DUOX2: variants seen among roughly 807,000 people sequenced by gnomAD.
DUOX2 encodes NADH/NADPH thyroid oxidase p138-tox.
DUOX2 carries 185 observed loss-of-function variants against 183.3 expected under a neutral mutation model. The ratio of observed to expected loss-of-function variants is 1.01; its 90% CI spans 0.90 to 1.14. The LOEUF (loss-of-function observed/expected upper bound fraction) is 1.14. Among genes scored for constraint, DUOX2 ranks in the 50% most tolerant of loss-of-function variants. The probability of loss-of-function intolerance (pLI) is 0.00; values close to 1 mark genes in which losing one functional copy is unlikely to be tolerated. For missense variants in DUOX2, 1,999 were observed against 2,022.9 expected, an observed-to-expected ratio of 0.99 and a Z score of 0.23; for synonymous variants, 788 against 812.4, an observed-to-expected ratio of 0.97 and a Z score of 0.51.
Position 45,099,477 on chromosome 15 carries a change from G to C in DUOX2, c.3421C>G (p.His1141Asp). ...AMAAVVLAIL[H>D]SAGHAVNVYI... ...ACATTGACTGCGTGGCCAGCACTGTGCAAAACTGGAAGAGACAGACCCTGT... is the reference window on the plus strand; with the variant it reads ...ACATTGACTGCGTGGCCAGCACTGTCCAAAACTGGAAGAGACAGACCCTGT... The change falls in exon 26 of 34, where the codon CAC becomes GAC. Residue 1141 changes from histidine to aspartate, a missense_variant. By Grantham distance (81) the His-to-Asp change is moderately conservative (BLOSUM62 -1). Coordinates refer to ENST00000389039, the MANE Select transcript of DUOX2 (RefSeq NM_001363711.2). 1 of 1,613,818 alleles carries C rather than the reference G, an allele frequency of 6.2e-7. No homozygotes were observed. Among genetic ancestry groups the C allele is most frequent in the Non-Finnish European group, 8.5e-7 (1 of 1,179,982 alleles).
chr15:45,108,306 C>T (rs1894283547), intron 12 of DUOX2, 84 bp from the exon 13 acceptor site: 2 of 1,511,332 alleles, frequency 1.3e-6, no homozygotes, highest in Admixed American at 1.7e-5. Flanking sequence ...GGCACAGAAC[C>T]TCAGCCGCTG....
Position 45,109,969 on chromosome 15 carries a change from C to T in DUOX2, c.1052G>A (p.Cys351Tyr). 2.5e-6 allele frequency: 4 copies of T among 1,614,108 alleles called. No individual in the cohort carries two copies. Among genetic ancestry groups the T allele is most frequent in the Non-Finnish European group, 3.4e-6 (4 of 1,180,022 alleles). The change falls in exon 10 of 34, where the codon TGT becomes TAT. Residue 351 changes from cysteine (C) to tyrosine (Y), a missense_variant. Coordinates refer to ENST00000389039, the MANE Select transcript of DUOX2 (RefSeq NM_001363711.2). ...PPGVYMRNAS[C>Y]HFRKVLNKGF... is the part of the protein sequence containing the mutation. ...CTTGTTCAGGACCTTCCGGAAATGA[C>T]AGCTGGCATTTCTGAAATTGAGAAC...
At chr15:45,109,685 C>G in intron 10 of DUOX2, 59 bp from the exon 11 acceptor site, 1 of 1,565,336 alleles carries the variant, frequency 6.4e-7, no homozygotes, top group Non-Finnish European at 8.8e-7. Flanking sequence ...CTCTCTCAGC[C>G]TGGACCACTT....
Position 45,106,959 on chromosome 15 carries a change from GC to G in DUOX2, c.1703del (p.Cys568SerfsTer18). 2.5e-6 allele frequency: 4 copies of G among 1,576,614 alleles called. No individual in the cohort carries two copies. The highest frequency in any genetic ancestry group is 2.3e-5 in the East Asian group (1 of 43,772). On this transcript the variant is annotated frameshift_variant, in exon 15 of 34. Coordinates refer to ENST00000389039, the MANE Select transcript of DUOX2 (RefSeq NM_001363711.2). LOFTEE classifies it high-confidence loss of function. ...NVFVWHKGAP[C>X]PQPKQLTTDG... ...CAGTTGTGAGCTGCTTAGGTTGAGG[GC>G]AGGGTGCACCTGAGGGAGAGGGCAG...
chr15:45,096,814 C>T (rs773546122), intron 29 of DUOX2, among the ~76,000 whole-genome samples: 9 of 152,166 alleles, frequency 5.9e-5, no homozygotes, highest in Non-Finnish European at 1.3e-4. Context: ...TATGATGATA[C>T]CAATCCCGAC....
Position 45,092,999 on chromosome 15 carries a change from G to A in DUOX2, c.*1151C>T, listed in dbSNP as rs1893802058. ...GAAATGTTGAAACATTCTATGTCTT[G>A]ACCTGGGTGGTGGTAAAACATGTAC... On this transcript the variant is annotated 3_prime_UTR_variant, in exon 34 of 34. Coordinates refer to ENST00000389039, the MANE Select transcript of DUOX2 (RefSeq NM_001363711.2). 2 of 152,216 alleles carry A rather than the reference G, an allele frequency of 1.3e-5. No homozygotes were observed. Among genetic ancestry groups the A allele is most frequent in the Admixed American group, 1.3e-4 (2 of 15,282 alleles). 9.4% of individuals were successfully genotyped at this position (152,216 alleles called of 1,614,324 possible). A position where few individuals can be genotyped will look rare whatever the true frequency, so the allele number is the denominator to read the frequency against.
At chr15:45,106,378 C>T (rs1319694128) in intron 16 of DUOX2, 51 bp from the exon 17 acceptor site, 1 of 1,607,790 alleles carries the variant, frequency 6.2e-7, no homozygotes, top group Non-Finnish European at 8.5e-7. Context: ...CCCCAGGTCC[C>T]CGCCTTCAGG....
At position 45,105,653 on chromosome 15, in the gene DUOX2, A is replaced by T; in HGVS notation, c.2324T>A (p.Leu775His). The T allele has an allele frequency of 6.2e-7, 1 of 1,614,182 alleles. No individual in the cohort carries two copies. The highest frequency in any genetic ancestry group is 8.5e-7 in the Non-Finnish European group (1 of 1,180,032). Residue 775 changes from leucine to histidine, a missense_variant, in exon 18 of 34, where the codon CTT becomes CAT. Leu to His is a moderately conservative substitution (Grantham distance 99, BLOSUM62 -3). Around this residue, in one of 3 missense-constraint regions of DUOX2, gnomAD observed 1,628 missense variants for 1,608.6 expected, o/e 1.01. Transcript: ENST00000389039. ...ERILEIFFRH[L>H]FAQVLDINQA... ...CACAGGTCATGGCACCTGAGCAAAAAGGTGTCTGAAGAAGATCTCCAGGAT... is the reference window on the plus strand; with the variant it reads ...CACAGGTCATGGCACCTGAGCAAAATGGTGTCTGAAGAAGATCTCCAGGAT...
At chr15:45,097,853 C>A in intron 27 of DUOX2, 112 bp from the exon 28 acceptor site, 1 of 1,587,822 alleles carries the variant, frequency 6.3e-7, no homozygotes, top group Admixed American at 1.7e-5. Context: ...CCCTCCGGGG[C>A]CCCCAGAAAA....
chr15:45,101,659 A>G, intron 21 of DUOX2, 134 bp downstream of exon 21: 1 of 1,163,010 alleles, frequency 8.6e-7, no homozygotes, highest in South Asian at 1.3e-5. Flanking sequence ...GTGCCATCCC[A>G]ATTACATGTG....
chr15:45,107,690 T>A (rs1894256004), intron 13 of DUOX2, among the ~76,000 whole-genome samples: 1 of 151,370 alleles, frequency 6.6e-6, no homozygotes, highest in Non-Finnish European at 1.5e-5. Context: ...CTAAAAATAT[T>A]TTTTAAAAAA....
chr15:45,105,113 G>A lies in DUOX2; in HGVS notation c.2334+530C>T, dbSNP rs547906294. On this transcript the variant is annotated intron_variant, in intron 18 of 33. Transcript: ENST00000389039. Reference sequence around the variant, plus strand: ...TGGGATTATAGGCATGAGCCACTGCGCCTGGCCACAACCGTTTGTTAAATG... The same window carrying A: ...TGGGATTATAGGCATGAGCCACTGCACCTGGCCACAACCGTTTGTTAAATG... 4.6e-5 allele frequency among the ~76,000 whole-genome samples: 7 copies of A among 152,306 alleles called. No individual in the cohort carries two copies. The South Asian group carries it at 6.2e-4, about 14-fold the overall frequency.
chr15:45,104,414 T>G (rs80095330), intron 18 of DUOX2, 49 bp from the exon 19 acceptor site: 16 of 1,590,958 alleles, frequency 1.0e-5, no homozygotes, highest in Non-Finnish European at 1.3e-5. Context: ...AGGTGAAGCC[T>G]ATGCTGGAAG....
At chr15:45,110,616 T>C in intron 8 of DUOX2, 34 bp downstream of exon 8, 14 of 1,613,602 alleles carry the variant, frequency 8.7e-6, no homozygotes, top group Non-Finnish European at 1.1e-5. Flanking sequence ...CTCAGGATTC[T>C]CCGCACAGGT....
At chr15:45,098,908 T>C in intron 26 of DUOX2, 1 of 194,536 alleles carries the variant, frequency 5.1e-6, no homozygotes, top group East Asian at 1.2e-4. Context: ...CTCACTTTGT[T>C]GTTCAGGCTT....
At chr15:45,108,734 A>G (rs1428040052) in intron 12 of DUOX2, 55 bp downstream of exon 12, 1 of 1,570,402 alleles carries the variant, frequency 6.4e-7, no homozygotes, top group African/African-American at 1.4e-5. Flanking sequence ...AGGGTTTGGA[A>G]CAGTATTGCC....
intron 26 of DUOX2, chr15:45,099,153 G>C (rs1450250860): frequency 2.9e-5 from 12 of 420,370 alleles, no homozygotes; most frequent in Non-Finnish European, 4.5e-5. Flanking sequence ...TGGGATTACA[G>C]GCGCCCACCA....
chr15:45,109,770 C>A, intron 10 of DUOX2, 120 bp downstream of exon 10: 1 of 1,295,668 alleles, frequency 7.7e-7, no homozygotes, highest in African/African-American at 1.5e-5. Flanking sequence ...ATTTCCTCTA[C>A]CCTTCATCTC....
chr15:45,094,741 A>T, intron 32 of DUOX2, 50 bp from the exon 33 acceptor site: 1 of 1,609,056 alleles, frequency 6.2e-7, no homozygotes, highest in South Asian at 1.1e-5. Context: ...GCCAGCACTC[A>T]GCCCGAGCCA....
Sources: allele counts gnomAD v4.1 joint callset (sites outside exome capture counted in the v4.1 genomes callset), GRCh38; gene constraint gnomAD v4.1.1; regional missense constraint gnomAD v4.1.1; transcripts MANE v1.5; gene names NCBI Gene and HGNC (gene_info 2026-07-23, HGNC 2026-07-21).